The following DLG2 variants were observed in gnomAD, a reference collection of about 807,000 sequenced individuals.
DLG2 encodes the protein disks large homolog 2.
A neutral mutation model predicts 132.5 loss-of-function variants in DLG2; 45 were observed. That is an observed-to-expected ratio of 0.34 (90% CI 0.27 to 0.44). The LOEUF is 0.44. Ranked by LOEUF, DLG2 falls within the 20% of genes least tolerant of loss-of-function variation. The probability of loss-of-function intolerance (pLI) is 1.00; values close to 1 mark genes in which losing one functional copy is unlikely to be tolerated. For synonymous variants in DLG2, 424 were observed against 419.6 expected, an observed-to-expected ratio of 1.01 and a Z score of -0.13; for missense variants, 1,045 against 1,196.9, an observed-to-expected ratio of 0.87 and a Z score of 1.87.
intron 5 of DLG2, among the ~76,000 whole-genome samples, chr11:85,128,912 A>G (rs543056030): frequency 1.3e-5 from 2 of 152,310 alleles, no homozygotes; most frequent in East Asian, 3.9e-4. Flanking sequence ...TCCATATACC[A>G]GGAATTGTGC....
intron 7 of DLG2, among the ~76,000 whole-genome samples, chr11:84,510,008 C>G (rs2099252721): frequency 6.6e-6 from 1 of 151,466 alleles, no homozygotes; most frequent in Non-Finnish European, 1.5e-5. Context: ...AAAATAAATT[C>G]ACTCCTAGGT....
Position 83,547,479 on chromosome 11 carries a change from T to C in DLG2, c.1941-5621A>G, listed in dbSNP as rs68058076. On this transcript the variant is annotated intron_variant, in intron 19 of 27. Transcript: ENST00000376104. ...GACAAAAGAATGGATCAGAGAGATATGACTTGGGAAGGACTTGACCCACCA... is the reference window on the plus strand; with the variant it reads ...GACAAAAGAATGGATCAGAGAGATACGACTTGGGAAGGACTTGACCCACCA... Among the ~76,000 whole-genome samples, 679 of 151,970 alleles carry C rather than the reference T, an allele frequency of 4.5e-3. 3 individuals carry two copies. Among genetic ancestry groups the C allele is most frequent in the Middle Eastern group, 0.024 (7 of 294 alleles).
intron 8 of DLG2, among the ~76,000 whole-genome samples, chr11:84,246,284 C>A (rs2097301194): frequency 6.6e-6 from 1 of 152,104 alleles, no homozygotes; most frequent in African/African-American, 2.4e-5. Context: ...TCTCACTGTC[C>A]CACTCCATCT....
At chr11:85,231,008 T>G (rs1327254731) in intron 4 of DLG2, among the ~76,000 whole-genome samples, 1 of 151,986 alleles carries the variant, frequency 6.6e-6, no homozygotes, top group Non-Finnish European at 1.5e-5. Context: ...CTACCAAAAC[T>G]GTGAGAAATA....
intron 12 of DLG2, 114 bp from the exon 13 acceptor site, chr11:83,965,582 T>G: frequency 3.7e-6 from 3 of 801,930 alleles, no homozygotes; most frequent in South Asian, 1.8e-5. Flanking sequence ...CCAGTATCCT[T>G]GACATAACAG....
intron 15 of DLG2, among the ~76,000 whole-genome samples, chr11:83,874,828 T>C (rs1280089893): frequency 6.6e-6 from 1 of 152,156 alleles, no homozygotes; most frequent in East Asian, 1.9e-4. Flanking sequence ...CTCTACCAGA[T>C]AAGAGTTAAT....
At chr11:84,948,901 T>C (rs1471615350) in intron 6 of DLG2, among the ~76,000 whole-genome samples, 2 of 152,198 alleles carry the variant, frequency 1.3e-5, no homozygotes, top group Non-Finnish European at 2.9e-5. Context: ...AGACAGAGTA[T>C]GAGAAATTCC....
chr11:84,977,606 T>C (rs1006832691), intron 6 of DLG2, among the ~76,000 whole-genome samples: 1 of 152,110 alleles, frequency 6.6e-6, no homozygotes, highest in Non-Finnish European at 1.5e-5. Flanking sequence ...CTAAAATAAA[T>C]AGAAAAACCA....
At chr11:83,471,208 T>A (rs1219923946) in intron 24 of DLG2, among the ~76,000 whole-genome samples, 1 of 152,110 alleles carries the variant, frequency 6.6e-6, no homozygotes, top group Admixed American at 6.6e-5. Flanking sequence ...GGGATTGACA[T>A]ATGGCCCTAA....
intron 7 of DLG2, among the ~76,000 whole-genome samples, chr11:84,395,244 AT>A (rs1487130526): frequency 6.6e-6 from 1 of 151,676 alleles, no homozygotes; most frequent in East Asian, 1.9e-4. Context: ...GTCTTTAATT[AT>A]TTTAAACAAT....
intron 6 of DLG2, among the ~76,000 whole-genome samples, chr11:84,793,439 G>A (rs1374517849): frequency 6.6e-6 from 1 of 152,202 alleles, no homozygotes; most frequent in African/African-American, 2.4e-5. Flanking sequence ...TGCAGGTTAA[G>A]TCTGATGTCT....
At chr11:84,693,594 G>A (rs1304671993) in intron 6 of DLG2, among the ~76,000 whole-genome samples, 3 of 151,604 alleles carry the variant, frequency 2.0e-5, no homozygotes, top group African/African-American at 4.8e-5. Context: ...TTCTAAAAAC[G>A]AGCTTAGGCA....
At chr11:84,478,542 G>A (rs1416287792) in intron 7 of DLG2, among the ~76,000 whole-genome samples, 2 of 151,974 alleles carry the variant, frequency 1.3e-5, no homozygotes, top group South Asian at 2.1e-4. Flanking sequence ...TACTACATAT[G>A]AACATCCTTA....
Position 85,594,957 on chromosome 11 carries a change from T to C in DLG2, c.40+3700A>G, listed in dbSNP as rs923583731. On this transcript the variant is annotated intron_variant, in intron 3 of 27. Transcript: ENST00000376104. ...GGTGCATGCCTGTAATCCCAGCTAC[T>C]CGGGAGGCTGAGGCAGGAGAATCGC... Among the ~76,000 whole-genome samples the C allele has an allele frequency of 6.0e-5, 9 of 149,870 alleles. No individual in the cohort carries two copies. The East Asian group carries it at 1.8e-3, about 30-fold the overall frequency.
intron 15 of DLG2, among the ~76,000 whole-genome samples, chr11:83,905,902 C>G (rs1255578221): frequency 1.3e-5 from 2 of 151,990 alleles, no homozygotes; most frequent in East Asian, 1.9e-4. Context: ...TTTAAAGAAG[C>G]AATTTTAGTA....
chr11:83,587,358 C>T (rs1008016392), intron 19 of DLG2, among the ~76,000 whole-genome samples: 1 of 152,030 alleles, frequency 6.6e-6, no homozygotes, highest in African/African-American at 2.4e-5. Flanking sequence ...GCAACCTCAC[C>T]TTCCATGCTC....
intron 4 of DLG2, among the ~76,000 whole-genome samples, chr11:85,204,695 T>G (rs570228966): frequency 6.6e-6 from 1 of 152,094 alleles, no homozygotes; most frequent in East Asian, 1.9e-4. Flanking sequence ...CTCCTAAAAT[T>G]TGTATGGACA....
chr11:85,599,407 G>A (rs2079998640), intron 2 of DLG2, among the ~76,000 whole-genome samples: 1 of 150,484 alleles, frequency 6.6e-6, no homozygotes, highest in African/African-American at 2.5e-5. Flanking sequence ...TGCTCCTACT[G>A]TTCTCTGTGC....
chr11:85,393,620 G>A (rs1357253348), intron 3 of DLG2, among the ~76,000 whole-genome samples: 1 of 131,660 alleles, frequency 7.6e-6, no homozygotes, highest in Non-Finnish European at 1.6e-5. Flanking sequence ...ATATATATAT[G>A]GTATGCATAT....
Sources: gnomAD v4.1 joint callset for allele counts (sites outside exome capture counted in the v4.1 genomes callset) on GRCh38, gnomAD v4.1.1 for gene constraint, MANE v1.5 for transcripts, NCBI Gene and HGNC (gene_info 2026-07-23, HGNC 2026-07-21) for gene names.